ADGRV1: variants seen among roughly 807,000 people sequenced by gnomAD.
ADGRV1 encodes adhesion G protein-coupled receptor V1, also known as G-protein coupled receptor 98.
A neutral mutation model predicts 596.2 loss-of-function variants in ADGRV1; 359 were observed. That is an observed-to-expected ratio of 0.60 (90% CI 0.55 to 0.66). The LOEUF (loss-of-function observed/expected upper bound fraction) is 0.66. ADGRV1 is among the 30% of genes least tolerant of loss of function. ADGRV1 has a pLI of 0.00. For missense variants in ADGRV1, 7,274 were observed against 7,575.6 expected (o/e 0.96, Z 1.48); for synonymous variants, 2,681 against 2,679.2 (o/e 1.00, Z -0.02).
At chr5:90,661,318 T>C (rs1385752241) in intron 21 of ADGRV1, among the ~76,000 whole-genome samples, 1 of 152,200 alleles carries the variant, frequency 6.6e-6, no homozygotes, top group Non-Finnish European at 1.5e-5. Context: ...ATATGTTATA[T>C]TTATAAACTA....
intron 30 of ADGRV1, among the ~76,000 whole-genome samples, chr5:90,690,358 T>G (rs1285167882): frequency 6.6e-6 from 1 of 152,194 alleles, no homozygotes; most frequent in African/African-American, 2.4e-5. Context: ...AGGCAATTCT[T>G]TAGAAAAATA....
At chr5:90,669,566 T>G (rs1356202981) in intron 21 of ADGRV1, among the ~76,000 whole-genome samples, 1 of 152,234 alleles carries the variant, frequency 6.6e-6, no homozygotes, top group African/African-American at 2.4e-5. Context: ...TTTAAAAAAC[T>G]TTAAGTTTAC....
intron 83 of ADGRV1, among the ~76,000 whole-genome samples, chr5:90,956,030 T>C (rs1777448316): frequency 2.6e-5 from 4 of 152,208 alleles, no homozygotes; most frequent in Admixed American, 2.6e-4. Flanking sequence ...GTTAGATTTA[T>C]ATAGAATTTT....
chr5:90,914,898 A>G (rs1773210755), intron 83 of ADGRV1, among the ~76,000 whole-genome samples: 1 of 152,172 alleles, frequency 6.6e-6, no homozygotes, highest in Non-Finnish European at 1.5e-5. Context: ...CTAAGTAACC[A>G]CTGGAGCATT....
intron 70 of ADGRV1, among the ~76,000 whole-genome samples, chr5:90,795,271 C>T (rs1248012811): frequency 1.3e-5 from 2 of 152,068 alleles, no homozygotes; most frequent in African/African-American, 4.8e-5. Context: ...GCTGCCAGCA[C>T]AGCAGCAGTC....
At chr5:90,983,651 T>C (rs1173242448) in intron 84 of ADGRV1, among the ~76,000 whole-genome samples, 3 of 152,052 alleles carry the variant, frequency 2.0e-5, no homozygotes, top group Non-Finnish European at 4.4e-5. Flanking sequence ...ATCCCTATAT[T>C]AATTATAGAA....
chr5:90,896,368 C>T (rs958431165), intron 83 of ADGRV1, among the ~76,000 whole-genome samples: 1 of 145,794 alleles, frequency 6.9e-6, no homozygotes, highest in South Asian at 2.2e-4. Flanking sequence ...CCTCCCGGCT[C>T]GAGAGACTCC....
intron 88 of ADGRV1, among the ~76,000 whole-genome samples, chr5:91,151,623 G>A (rs1237090965): frequency 6.6e-6 from 1 of 152,108 alleles, no homozygotes; most frequent in African/African-American, 2.4e-5. Context: ...TTTTTGAATG[G>A]TTGCTCAGTC....
In ADGRV1 at chr5:90,985,392, A is replaced by G. The variant is rs1780406611; in HGVS notation, c.18022A>G (p.Arg6008Gly). Residue 6008 changes from arginine (R) to glycine (G), a missense_variant, in exon 85 of 90, where the codon AGG becomes GGG. Transcript: ENST00000405460. ...GGTGATGAATGATGAGCACACAGAG[A>G]GGCGATATCTGCTGTTTTTCCTTCT... is the stretch of plus-strand genomic sequence containing the variant. ...VLVMNDEHTE[R>G]RYLLFFLLSW... 6.2e-7 allele frequency: 1 copy of G among 1,613,652 alleles called. No individual in the cohort carries two copies. The highest frequency in any genetic ancestry group is 1.3e-5 in the African/African-American group (1 of 75,040).
rs1425522532 is a variant in ADGRV1 at position 90,675,504 on chromosome 5, C to T, written c.5313+59C>T. 8 of 1,446,662 alleles carry T rather than the reference C, an allele frequency of 5.5e-6. No individual in the cohort carries two copies. The African/African-American group carries it at 1.1e-4, about 20-fold the overall frequency. 89.6% of individuals were successfully genotyped at this position (1,446,662 alleles called of 1,614,324 possible). A position where few individuals can be genotyped will look rare whatever the true frequency, so the allele number is the denominator to read the frequency against. On this transcript the variant is annotated intron_variant, in intron 24 of 89. Coordinates refer to ENST00000405460, the MANE Select transcript of ADGRV1 (RefSeq NM_032119.4). ...CACTTGTAAAACAGACATAATCCTT[C>T]TCTGGAAGGGATATACACTGTACCT...
intron 77 of ADGRV1, among the ~76,000 whole-genome samples, chr5:90,834,875 CTTTCTTTCTTT>C (rs1183801091): frequency 1.3e-5 from 2 of 151,052 alleles, no homozygotes; most frequent in South Asian, 4.2e-4. Context: ...CTTTCTTTCT[CTTTCTTTCTTT>C]TTTCTTTCTT....
chr5:90,626,019 C>T (rs1717924407), intron 6 of ADGRV1: 1 of 152,146 alleles, frequency 6.6e-6, no homozygotes, highest in African/African-American at 2.4e-5. Flanking sequence ...AAGAATGAAT[C>T]TGAACAATAA....
At chr5:91,084,627 G>C (rs1789701120) in intron 86 of ADGRV1, among the ~76,000 whole-genome samples, 1 of 152,172 alleles carries the variant, frequency 6.6e-6, no homozygotes, top group Admixed American at 6.5e-5. Context: ...TTACACTGCT[G>C]GTGGGAGTGT....
At chr5:90,875,615 G>T (rs566983464) in intron 83 of ADGRV1, among the ~76,000 whole-genome samples, 1 of 152,160 alleles carries the variant, frequency 6.6e-6, no homozygotes, top group Non-Finnish European at 1.5e-5. Flanking sequence ...GAGACTTCTG[G>T]AAACTAGCTT....
intron 83 of ADGRV1, among the ~76,000 whole-genome samples, chr5:90,944,211 T>A (rs2063244): frequency 0.42 from 63,905 of 151,914 alleles, 14,656 homozygotes; most frequent in Non-Finnish European, 0.51. Context: ...ATTGTCTTCA[T>A]TGATGAAATA....
At chr5:90,811,829 C>G (rs953624696) in intron 74 of ADGRV1, among the ~76,000 whole-genome samples, 1 of 151,078 alleles carries the variant, frequency 6.6e-6, no homozygotes, top group Non-Finnish European at 1.5e-5. Context: ...TGTGTATATA[C>G]GTTACAATAG....
intron 78 of ADGRV1, among the ~76,000 whole-genome samples, chr5:90,844,256 A>G (rs1765671429): frequency 6.6e-6 from 1 of 152,222 alleles, no homozygotes; most frequent in African/African-American, 2.4e-5. Flanking sequence ...AAGATATTAT[A>G]TTTTAAGTGA....
intron 64 of ADGRV1, 138 bp downstream of exon 64, chr5:90,779,235 A>G (rs1424698682): frequency 4.1e-6 from 2 of 483,850 alleles, no homozygotes; most frequent in Non-Finnish European, 7.4e-6. Flanking sequence ...ACATTAGAAC[A>G]GGACATACAA....
intron 83 of ADGRV1, among the ~76,000 whole-genome samples, chr5:90,909,221 G>T (rs1772611327): frequency 6.6e-6 from 1 of 152,150 alleles, no homozygotes; most frequent in South Asian, 2.1e-4. Flanking sequence ...TTGCTTTGTT[G>T]CTTGGGCCTC....
Sources: allele counts gnomAD v4.1 joint callset (sites outside exome capture counted in the v4.1 genomes callset), GRCh38; gene constraint gnomAD v4.1.1; transcripts MANE v1.5; gene names NCBI Gene and HGNC (gene_info 2026-07-23, HGNC 2026-07-21).